Variants in CNTNAP2 observed in about 807,000 individuals in gnomAD.
CNTNAP2 encodes contactin associated protein 2.
A neutral mutation model predicts 155.2 loss-of-function variants in CNTNAP2; 98 were observed. The ratio of observed to expected loss-of-function variants is 0.63; its 90% confidence interval spans 0.54 to 0.75. CNTNAP2 has a LOEUF of 0.75. CNTNAP2 is among the 30% of genes least tolerant of loss of function. The pLI is 0.00. For synonymous variants in CNTNAP2, 651 were observed against 631.2 expected (o/e 1.03, Z -0.47); for missense variants, 1,727 against 1,688.1 (o/e 1.02, Z -0.40).
At chr7:147,596,165 T>A (rs751110182) in intron 12 of CNTNAP2, among the ~76,000 whole-genome samples, 18 of 152,274 alleles carry the variant, frequency 1.2e-4, no homozygotes, top group Non-Finnish European at 2.6e-4. Context: ...ACCAGGAAAA[T>A]GTGTTCTTTC....
At chr7:146,985,951 T>G (rs1563032782) in intron 3 of CNTNAP2, among the ~76,000 whole-genome samples, 1 of 151,946 alleles carries the variant, frequency 6.6e-6, no homozygotes, top group Admixed American at 6.5e-5. Flanking sequence ...AGGATTTTTT[T>G]AAGAAAAAAT....
intron 16 of CNTNAP2, among the ~76,000 whole-genome samples, chr7:148,143,557 T>C (rs1805116276): frequency 6.6e-6 from 1 of 152,124 alleles, no homozygotes; most frequent in African/African-American, 2.4e-5. Context: ...TGTACTCCTG[T>C]AGTCTCAGCT....
intron 15 of CNTNAP2, among the ~76,000 whole-genome samples, chr7:148,106,080 C>T (rs1050448661): frequency 2.0e-5 from 3 of 152,128 alleles, no homozygotes; most frequent in Non-Finnish European, 4.4e-5. Flanking sequence ...GCTATCAGGC[C>T]TTGGGGATTG....
chr7:147,136,050 A>C (rs1457154827), intron 8 of CNTNAP2, among the ~76,000 whole-genome samples: 1 of 151,694 alleles, frequency 6.6e-6, no homozygotes, highest in Non-Finnish European at 1.5e-5. Context: ...CTACCTTTTG[A>C]AGTAAGTTTT....
At chr7:148,158,429 G>T (rs895464529) in intron 17 of CNTNAP2, among the ~76,000 whole-genome samples, 6 of 152,024 alleles carry the variant, frequency 3.9e-5, no homozygotes, top group African/African-American at 1.2e-4. Flanking sequence ...CACCATGTTG[G>T]CCAGGATGGC....
intron 12 of CNTNAP2, among the ~76,000 whole-genome samples, chr7:147,592,894 C>G (rs1314180444): frequency 6.6e-6 from 1 of 152,136 alleles, no homozygotes; most frequent in Non-Finnish European, 1.5e-5. Context: ...AGAAACTCTT[C>G]CAAATGGTCA....
intron 2 of CNTNAP2, among the ~76,000 whole-genome samples, chr7:146,814,200 C>G (rs1470486682): frequency 6.6e-6 from 1 of 152,098 alleles, no homozygotes; most frequent in Non-Finnish European, 1.5e-5. Context: ...GACTGATGGT[C>G]TCTTGAGCCC....
chr7:146,739,875 C>T (rs879944562), intron 1 of CNTNAP2, among the ~76,000 whole-genome samples: 33 of 151,832 alleles, frequency 2.2e-4, no homozygotes, highest in Non-Finnish European at 1.5e-5. Flanking sequence ...TGAATTAACC[C>T]CTTTATTATT....
rs4726939 is a variant in CNTNAP2, at chr7:148,273,819, T to C, written c.3475+6693T>C. Among the ~76,000 whole-genome samples, 201 of 152,298 alleles carry C rather than the reference T, an allele frequency of 1.3e-3. 2 individuals carry two copies. Among genetic ancestry groups the C allele is most frequent in the Admixed American group, 0.012 (184 of 15,306 alleles). ...CTACCATTATCCAAAGCAATTCCAA[T>C]AGAAGTGGCTAGTAGCCCCTATATT... is the stretch of plus-strand genomic sequence containing the variant. On this transcript the variant is annotated intron_variant, in intron 21 of 23. Transcript: ENST00000361727.
chr7:147,349,253 G>A (rs1387315872), intron 9 of CNTNAP2, among the ~76,000 whole-genome samples: 1 of 151,574 alleles, frequency 6.6e-6, no homozygotes, highest in Non-Finnish European at 1.5e-5. Flanking sequence ...TCATGAATAG[G>A]TACACTTATT....
intron 3 of CNTNAP2, among the ~76,000 whole-genome samples, chr7:146,933,998 G>T (rs1214318648): frequency 3.9e-5 from 6 of 152,142 alleles, no homozygotes; most frequent in Admixed American, 1.3e-4. Context: ...GGGTGGGAGT[G>T]TAAACTAGTT....
intron 1 of CNTNAP2, among the ~76,000 whole-genome samples, chr7:146,661,065 A>G (rs1800078816): frequency 6.6e-6 from 1 of 152,158 alleles, no homozygotes; most frequent in Non-Finnish European, 1.5e-5. Flanking sequence ...TGATATTCAC[A>G]CGGTGCTGAG....
chr7:147,027,845 G>C (rs1798952234), intron 3 of CNTNAP2, among the ~76,000 whole-genome samples: 1 of 152,208 alleles, frequency 6.6e-6, no homozygotes, highest in African/African-American at 2.4e-5. Flanking sequence ...AGAGATTCTG[G>C]CTGGAGAACT....
intron 1 of CNTNAP2, among the ~76,000 whole-genome samples, chr7:146,132,109 A>G (rs551733502): frequency 6.6e-6 from 1 of 152,116 alleles, no homozygotes; most frequent in South Asian, 2.1e-4. Context: ...TCTGTAATAA[A>G]CTCATGCAGT....
chr7:147,340,681 C>G (rs890054691), intron 9 of CNTNAP2, among the ~76,000 whole-genome samples: 1 of 152,094 alleles, frequency 6.6e-6, no homozygotes, highest in African/African-American at 2.4e-5. Context: ...GTGACATATT[C>G]TGTCATTGTA....
chr7:147,641,091 C>T (rs902880911), intron 13 of CNTNAP2, among the ~76,000 whole-genome samples: 3 of 152,206 alleles, frequency 2.0e-5, no homozygotes, highest in African/African-American at 7.2e-5. Context: ...TTTCTAATGG[C>T]CGGTATTTGC....
chr7:146,469,380 T>TAA (rs571664470), intron 1 of CNTNAP2, among the ~76,000 whole-genome samples: 26 of 145,640 alleles, frequency 1.8e-4, no homozygotes, highest in African/African-American at 4.3e-4. Context: ...TTGGAAGCAT[T>TAA]AAAAAAAAAA....
chr7:146,710,566 A>G (rs1801046114), intron 1 of CNTNAP2, among the ~76,000 whole-genome samples: 1 of 152,158 alleles, frequency 6.6e-6, no homozygotes, highest in Non-Finnish European at 1.5e-5. Context: ...TTAAGTAGCA[A>G]TGAAGGGATA....
chr7:148,126,017 T>C (rs1804710595), intron 16 of CNTNAP2, among the ~76,000 whole-genome samples: 1 of 152,128 alleles, frequency 6.6e-6, no homozygotes, highest in Non-Finnish European at 1.5e-5. Context: ...TATAAAATAA[T>C]ATTTTGGATA....
Sources: allele counts gnomAD v4.1 joint callset (sites outside exome capture counted in the v4.1 genomes callset), GRCh38; gene constraint gnomAD v4.1.1; transcripts MANE v1.5; gene names NCBI Gene and HGNC (gene_info 2026-07-23, HGNC 2026-07-21).